NRG1: variants seen among roughly 807,000 people sequenced by gnomAD.
NRG1 encodes pro-neuregulin-1, membrane-bound isoform.
A neutral mutation model predicts 63.8 loss-of-function variants in NRG1; 18 were observed. The ratio of observed to expected loss-of-function variants is 0.28; its 90% confidence interval spans 0.19 to 0.42. The LOEUF (loss-of-function observed/expected upper bound fraction) is 0.42, where lower values mean the gene tolerates loss of function less well. Ranked by LOEUF, NRG1 falls within the 10% of genes least tolerant of loss-of-function variation. NRG1 has a pLI of 1.00. For synonymous variants in NRG1, 302 were observed against 301.3 expected, an observed-to-expected ratio of 1.00 and a Z score of -0.02; for missense variants, 762 against 814.7, an observed-to-expected ratio of 0.94 and a Z score of 0.79.
At chr8:32,556,471 T>C (rs1835190879) in intron 1 of NRG1, among the ~76,000 whole-genome samples, 1 of 152,210 alleles carries the variant, frequency 6.6e-6, no homozygotes, top group Non-Finnish European at 1.5e-5. Flanking sequence ...TATTAGCAGA[T>C]AGTTGTTATT....
At chr8:32,236,035 T>G (rs1043952402) in intron 1 of NRG1, among the ~76,000 whole-genome samples, 2 of 152,094 alleles carry the variant, frequency 1.3e-5, no homozygotes, top group Non-Finnish European at 2.9e-5. Flanking sequence ...AGCAAGAAGT[T>G]AAGTATAATG....
At chr8:32,469,897 G>A (rs1190202033) in intron 1 of NRG1, among the ~76,000 whole-genome samples, 1 of 152,252 alleles carries the variant, frequency 6.6e-6, no homozygotes, top group South Asian at 2.1e-4. Flanking sequence ...TTGCTCTGTC[G>A]CCCAGGCTGG....
chr8:32,620,350 G>A (rs1468260522), intron 5 of NRG1, among the ~76,000 whole-genome samples: 1 of 152,040 alleles, frequency 6.6e-6, no homozygotes, highest in African/African-American at 2.4e-5. Context: ...CCTCTCTGAA[G>A]TAGTATGGAT....
chr8:31,940,071 C>T (rs901234052), intron 1 of NRG1, among the ~76,000 whole-genome samples: 4 of 152,078 alleles, frequency 2.6e-5, no homozygotes, highest in African/African-American at 9.7e-5. Context: ...ATTTATAGAA[C>T]ATTCTACCCA....
Position 31,640,182 on chromosome 8 carries a change from G to A in NRG1, c.37+751G>A. ...GGGCCTCGGTGTGCTACTCGTCCCC[G>A]CCCAGCGTGGGATCGGTGCAGGAGC... is the stretch of plus-strand genomic sequence containing the variant. On this transcript the variant is annotated intron_variant, in intron 1 of 10. Coordinates refer to the NRG1 transcript ENST00000519301. This position sits in a 1 kb window ranked among gnomAD's most constrained non-coding sequence, Gnocchi z 6.3. 1.7e-6 allele frequency: 2 copies of A among 1,185,918 alleles called. No homozygotes were observed. Among genetic ancestry groups the A allele is most frequent in the Middle Eastern group, 3.2e-4 (1 of 3,152 alleles). 73.5% of individuals were successfully genotyped at this position (1,185,918 alleles called of 1,614,324 possible). A position where few individuals can be genotyped will look rare whatever the true frequency, so the allele number is the denominator to read the frequency against.
At chr8:32,293,996 G>T (rs969995744) in intron 1 of NRG1, among the ~76,000 whole-genome samples, 16 of 152,028 alleles carry the variant, frequency 1.1e-4, no homozygotes, top group African/African-American at 3.9e-4. Context: ...TGGATTACAG[G>T]CATGAGCTAC....
At chr8:32,337,479 A>G (rs937019542) in intron 1 of NRG1, among the ~76,000 whole-genome samples, 1 of 151,792 alleles carries the variant, frequency 6.6e-6, no homozygotes, top group Non-Finnish European at 1.5e-5. Flanking sequence ...AGTAGAGGCC[A>G]TCAGACTTCA....
At chr8:31,977,516 A>G (rs1346821962) in intron 1 of NRG1, among the ~76,000 whole-genome samples, 2 of 152,004 alleles carry the variant, frequency 1.3e-5, no homozygotes, top group Non-Finnish European at 2.9e-5. Flanking sequence ...CTCTCTGTCT[A>G]CCATTTTTTT....
rs138583773 is a variant in NRG1, at chr8:32,198,909, G to A, written c.38-396919G>A. Reference sequence around the variant, plus strand: ...ATATATATATATATCTTATTTATATGTCTTATTTCATTGTTATGAAAACCT... The same window carrying A: ...ATATATATATATATCTTATTTATATATCTTATTTCATTGTTATGAAAACCT... On this transcript the variant is annotated intron_variant, in intron 1 of 10. Coordinates refer to the NRG1 transcript ENST00000519301. 3.0e-3 allele frequency among the ~76,000 whole-genome samples: 455 copies of A among 151,616 alleles called. 7 individuals are homozygous for A. The highest frequency in any genetic ancestry group is 0.011 in the African/African-American group (438 of 41,428).
At chr8:31,812,019 GA>G (rs1822935811) in intron 1 of NRG1, among the ~76,000 whole-genome samples, 1 of 152,120 alleles carries the variant, frequency 6.6e-6, no homozygotes, top group African/African-American at 2.4e-5. Context: ...TTCCTAGATA[GA>G]AATAGAATAT....
At chr8:31,658,030 TG>T (rs1805601169) in intron 1 of NRG1, among the ~76,000 whole-genome samples, 1 of 152,094 alleles carries the variant, frequency 6.6e-6, no homozygotes, top group African/African-American at 2.4e-5. Flanking sequence ...GGTAGATGAG[TG>T]GGGAGGACTG....
At chr8:32,756,507 C>A (rs368174274) in exon 9 of NRG1, 16 of 1,612,596 alleles carry the variant, frequency 9.9e-6, no homozygotes, top group Non-Finnish European at 1.4e-5. Flanking sequence ...AACCCACCCC[C>A]CGAGAATGTC....
At chr8:32,665,879 T>C (rs1804014795) in intron 5 of NRG1, among the ~76,000 whole-genome samples, 1 of 152,246 alleles carries the variant, frequency 6.6e-6, no homozygotes, top group Non-Finnish European at 1.5e-5. Context: ...ATACTTCTAG[T>C]GATTAAAACA....
At chr8:32,358,391 A>T (rs1587038944) in intron 1 of NRG1, among the ~76,000 whole-genome samples, 1 of 120,414 alleles carries the variant, frequency 8.3e-6, no homozygotes, top group Non-Finnish European at 1.8e-5. Flanking sequence ...AAAAAAAAAA[A>T]CCATGGGAGT....
At chr8:32,206,031 C>T (rs1844027857) in intron 1 of NRG1, among the ~76,000 whole-genome samples, 1 of 151,950 alleles carries the variant, frequency 6.6e-6, no homozygotes, top group South Asian at 2.1e-4. Flanking sequence ...CCCTTGAGGC[C>T]AGTTCAAGGT....
intron 1 of NRG1, among the ~76,000 whole-genome samples, chr8:32,580,345 C>T (rs924440098): frequency 1.1e-4 from 16 of 152,048 alleles, no homozygotes; most frequent in African/African-American, 3.9e-4. Context: ...AATTTGTTTC[C>T]ACTTGTCTCA....
intron 5 of NRG1, among the ~76,000 whole-genome samples, chr8:32,656,411 A>G (rs2128864019): frequency 1.3e-5 from 2 of 152,266 alleles, no homozygotes; most frequent in Middle Eastern, 6.8e-3. Flanking sequence ...AAATCTTACT[A>G]GCTGGATTAT....
chr8:32,334,204 G>A (rs1280048088), intron 1 of NRG1, among the ~76,000 whole-genome samples: 1 of 152,098 alleles, frequency 6.6e-6, no homozygotes, highest in Non-Finnish European at 1.5e-5. Flanking sequence ...TCTTTTTAGT[G>A]TCCAGCATGG....
intron 1 of NRG1, among the ~76,000 whole-genome samples, chr8:32,279,998 T>A (rs1463454838): frequency 1.3e-5 from 2 of 152,216 alleles, no homozygotes; most frequent in East Asian, 3.8e-4. Flanking sequence ...ACTTCTGACT[T>A]CACTACGGAG....
Sources: allele counts gnomAD v4.1 joint callset (sites outside exome capture counted in the v4.1 genomes callset), GRCh38; gene constraint gnomAD v4.1.1; non-coding constraint Gnocchi (gnomAD v3.1); transcripts MANE v1.5; gene names NCBI Gene and HGNC (gene_info 2026-07-23, HGNC 2026-07-21).